Variants in DOCK3 observed in about 807,000 individuals in gnomAD.
DOCK3 encodes dedicator of cytokinesis 3, also known as dedicator of cytokinesis protein 3.
Under a neutral mutation model 265.6 loss-of-function variants are expected in DOCK3, and 60 were observed. The ratio of observed to expected loss-of-function variants is 0.23; its 90% CI spans 0.18 to 0.28. DOCK3 has a LOEUF of 0.28. Among genes scored for constraint, DOCK3 ranks in the 10% least tolerant of loss-of-function variants. The probability of loss-of-function intolerance (pLI) is 1.00; values close to 1 mark genes in which losing one functional copy is unlikely to be tolerated. For missense variants in DOCK3, 1,981 were observed against 2,594.3 expected (o/e 0.76, Z 5.14); for synonymous variants, 881 against 938.0 (o/e 0.94, Z 1.11).
intron 7 of DOCK3, among the ~76,000 whole-genome samples, chr3:51,075,934 T>C (rs2082041536): frequency 6.6e-6 from 1 of 152,090 alleles, no homozygotes; most frequent in Non-Finnish European, 1.5e-5. Flanking sequence ...GCAAAGTAAA[T>C]AAATGAAGGG....
At chr3:51,227,606 AC>A (rs2090384932) in intron 16 of DOCK3, among the ~76,000 whole-genome samples, 161 bp downstream of exon 16, 1 of 152,226 alleles carries the variant, frequency 6.6e-6, no homozygotes, top group African/African-American at 2.4e-5. Flanking sequence ...TGTTCTTGGG[AC>A]TATAAAAGCA....
rs560854794 is a variant in DOCK3, at chr3:51,256,782, A to G, written c.2185-3374A>G. Among the ~76,000 whole-genome samples the G allele has an allele frequency of 2.0e-5, 3 of 151,498 alleles. No homozygotes were observed. The South Asian group carries it at 6.3e-4, about 32-fold the overall frequency. ...CTAATTTTTTGTGTTTTTAGTAGAG[A>G]CGGGGTTTCACCCTGTTGGTCAGGC... On this transcript the variant is annotated intron_variant, in intron 22 of 52. Coordinates refer to ENST00000266037, the MANE Select transcript of DOCK3 (RefSeq NM_004947.5).
intron 3 of DOCK3, among the ~76,000 whole-genome samples, chr3:50,845,770 A>G (rs113541033): frequency 1.6e-4 from 25 of 152,224 alleles, no homozygotes; most frequent in Admixed American, 1.0e-3. Flanking sequence ...CTTGGGAGGC[A>G]GAGGTTCAAG....
chr3:51,299,748 C>T (rs530823193), intron 27 of DOCK3, among the ~76,000 whole-genome samples: 36 of 152,182 alleles, frequency 2.4e-4, no homozygotes, highest in Non-Finnish European at 4.3e-4. Flanking sequence ...TTTCTGAGAT[C>T]GCTATTCTGT....
intron 9 of DOCK3, among the ~76,000 whole-genome samples, chr3:51,116,450 CAA>C (rs55898136): frequency 3.3e-4 from 18 of 54,970 alleles, no homozygotes; most frequent in Non-Finnish European, 5.0e-4. Flanking sequence ...GACTCCATCT[CAA>C]AAAAAAAAAA....
intron 49 of DOCK3, among the ~76,000 whole-genome samples, chr3:51,364,272 G>C (rs1468797694): frequency 6.6e-6 from 1 of 152,192 alleles, no homozygotes; most frequent in Non-Finnish European, 1.5e-5. Context: ...TCTGTTGGCT[G>C]CATAAATGTC....
At chr3:50,996,410 G>C (rs1169195926) in intron 5 of DOCK3, among the ~76,000 whole-genome samples, 1 of 151,824 alleles carries the variant, frequency 6.6e-6, no homozygotes, top group African/African-American at 2.4e-5. Flanking sequence ...GTAGAGATGG[G>C]GTTTCACCGT....
intron 4 of DOCK3, among the ~76,000 whole-genome samples, chr3:50,924,510 T>TA (rs2050662979): frequency 6.6e-6 from 1 of 152,238 alleles, no homozygotes; most frequent in Admixed American, 6.5e-5. Flanking sequence ...GCAACAGTGT[T>TA]ATGGCAAATA....
At chr3:50,758,670 T>C (rs2040344508) in intron 1 of DOCK3, among the ~76,000 whole-genome samples, 1 of 152,174 alleles carries the variant, frequency 6.6e-6, no homozygotes, top group Non-Finnish European at 1.5e-5. Flanking sequence ...AAAGACTGAC[T>C]CTTCATTCCA....
Position 50,846,078 on chromosome 3 carries a change from C to G in DOCK3, c.162+4363C>G, listed in dbSNP as rs186484128. 5.3e-5 allele frequency among the ~76,000 whole-genome samples: 8 copies of G among 152,264 alleles called. No individual in the cohort carries two copies. In the East Asian group the frequency reaches 1.2e-3, roughly 22 times the overall value. On this transcript the variant is annotated intron_variant, in intron 3 of 52. Transcript: ENST00000266037. The stretch of plus-strand genomic sequence containing the variant: ...CCTAGCACATAAGAACGTGATAATT[C>G]TTTTGCACTATCGTCTTTTACTATT...
intron 3 of DOCK3, among the ~76,000 whole-genome samples, chr3:50,864,821 A>G (rs182512375): frequency 2.6e-4 from 40 of 152,000 alleles, no homozygotes. Context: ...TATGCCAGTC[A>G]TGCTGTTTTG....
intron 38 of DOCK3, among the ~76,000 whole-genome samples, chr3:51,342,579 G>A (rs548331795): frequency 3.9e-5 from 6 of 152,326 alleles, no homozygotes; most frequent in African/African-American, 9.6e-5. Flanking sequence ...GTGTGAGTAC[G>A]CATGTGTGCT....
At chr3:51,201,928 T>C (rs2088804750) in intron 12 of DOCK3, among the ~76,000 whole-genome samples, 1 of 152,116 alleles carries the variant, frequency 6.6e-6, no homozygotes, top group Non-Finnish European at 1.5e-5. Flanking sequence ...GACTACTGGG[T>C]ACATAAAGAA....
At chr3:51,335,131 C>A (rs2084776394) in intron 35 of DOCK3, among the ~76,000 whole-genome samples, 1 of 152,012 alleles carries the variant, frequency 6.6e-6, no homozygotes, top group South Asian at 2.1e-4. Context: ...TTTCTCTAAT[C>A]CCATAAGCAT....
chr3:50,928,759 G>T (rs1575554281), intron 4 of DOCK3, among the ~76,000 whole-genome samples: 1 of 152,178 alleles, frequency 6.6e-6, no homozygotes, highest in Non-Finnish European at 1.5e-5. Context: ...TATCTGAAAA[G>T]AATTTACAGA....
At chr3:50,906,776 G>A (rs12489302) in intron 4 of DOCK3, among the ~76,000 whole-genome samples, 1 of 151,916 alleles carries the variant, frequency 6.6e-6, no homozygotes, top group Non-Finnish European at 1.5e-5. Flanking sequence ...TCTGATCTTA[G>A]TTATTTCTTG....
intron 26 of DOCK3, chr3:51,278,375 T>G (rs2080927947): frequency 1.4e-5 from 14 of 985,270 alleles, no homozygotes; most frequent in South Asian, 4.7e-5. Flanking sequence ...AGAGTAGACT[T>G]ACTTCTCAGC....
At chr3:51,076,732 G>T (rs2082070138) in intron 7 of DOCK3, among the ~76,000 whole-genome samples, 1 of 152,176 alleles carries the variant, frequency 6.6e-6, no homozygotes, top group African/African-American at 2.4e-5. Flanking sequence ...TATGTGCTGT[G>T]TAGCATAATT....
At chr3:51,204,645 AC>A (rs1267895650) in intron 12 of DOCK3, among the ~76,000 whole-genome samples, 1 of 143,948 alleles carries the variant, frequency 6.9e-6, no homozygotes, top group African/African-American at 2.6e-5. Context: ...ATACCATTTG[AC>A]CCAGCCATCC....
Sources: allele counts gnomAD v4.1 joint callset (sites outside exome capture counted in the v4.1 genomes callset), GRCh38; gene constraint gnomAD v4.1.1; transcripts MANE v1.5; gene names NCBI Gene and HGNC (gene_info 2026-07-23, HGNC 2026-07-21).